FHIT: variants seen among roughly 807,000 people sequenced by gnomAD.
The protein encoded by FHIT is bis(5'-adenosyl)-triphosphatase.
A neutral mutation model predicts 17.9 loss-of-function variants in FHIT; 19 were observed. The ratio of observed to expected loss-of-function variants is 1.06; its 90% CI spans 0.74 to 1.56. FHIT has a LOEUF of 1.56. Among genes scored for constraint, FHIT ranks in the 40% most tolerant of loss-of-function variants. FHIT has a pLI of 0.00. For synonymous variants in FHIT, 81 were observed against 69.7 expected (o/e 1.16, Z -0.81); for missense variants, 248 against 189.2 (o/e 1.31, Z -1.82).
intron 5 of FHIT, among the ~76,000 whole-genome samples, chr3:60,309,182 A>C (rs1218220461): frequency 2.6e-5 from 4 of 152,074 alleles, no homozygotes; most frequent in Admixed American, 6.6e-5. Context: ...CTCTGCTTGC[A>C]GCGGAAGGTT....
intron 5 of FHIT, among the ~76,000 whole-genome samples, chr3:60,101,106 C>G (rs1704172209): frequency 6.6e-6 from 1 of 152,242 alleles, no homozygotes; most frequent in African/African-American, 2.4e-5. Context: ...CTGCTCTTAA[C>G]TGACCTGCCG....
chr3:60,706,468 A>C (rs2041375602), intron 4 of FHIT, among the ~76,000 whole-genome samples: 1 of 152,238 alleles, frequency 6.6e-6, no homozygotes, highest in South Asian at 2.1e-4. Context: ...AAATAAATTC[A>C]CAGTGGTGTT....
chr3:59,901,672 A>G (rs189351919), intron 8 of FHIT, among the ~76,000 whole-genome samples: 5 of 152,350 alleles, frequency 3.3e-5, no homozygotes, highest in Admixed American at 6.5e-5. Flanking sequence ...ATCTTCTTAC[A>G]CTATTGGTAA....
intron 3 of FHIT, among the ~76,000 whole-genome samples, chr3:60,941,668 C>T (rs59702782): frequency 0.034 from 5,239 of 152,222 alleles, 300 homozygotes; most frequent in African/African-American, 0.12. Flanking sequence ...GAATTTAATG[C>T]GTTTAGCTCA....
chr3:59,804,230 C>T (rs1700109231), intron 8 of FHIT, among the ~76,000 whole-genome samples: 2 of 152,234 alleles, frequency 1.3e-5, no homozygotes, highest in African/African-American at 4.8e-5. Context: ...CTCCTCCTCA[C>T]ACTCCTACAC....
At chr3:60,458,074 CATTACTGGGT>C (rs2032224211) in intron 5 of FHIT, among the ~76,000 whole-genome samples, 1 of 152,144 alleles carries the variant, frequency 6.6e-6, no homozygotes, top group African/African-American at 2.4e-5. Flanking sequence ...CCAGCCATCC[CATTACTGGGT>C]ATATACCCAA....
At chr3:61,209,380 G>T (rs2039374471) in intron 1 of FHIT, among the ~76,000 whole-genome samples, 1 of 152,168 alleles carries the variant, frequency 6.6e-6, no homozygotes, top group Non-Finnish European at 1.5e-5. Flanking sequence ...CTAGATTGGG[G>T]AAGTTCTCCT....
intron 8 of FHIT, among the ~76,000 whole-genome samples, chr3:59,785,125 G>T (rs531645665): frequency 6.6e-6 from 1 of 152,078 alleles, no homozygotes; most frequent in African/African-American, 2.4e-5. Context: ...TGGCATCAAG[G>T]GGATTCATGA....
At chr3:61,024,223 G>C (rs547903192) in intron 3 of FHIT, among the ~76,000 whole-genome samples, 1 of 151,972 alleles carries the variant, frequency 6.6e-6, no homozygotes, top group Non-Finnish European at 1.5e-5. Context: ...GCTAGTGAGG[G>C]GGAAAAGGAG....
At chr3:59,917,298 A>G (rs1421448612) in intron 8 of FHIT, among the ~76,000 whole-genome samples, 1 of 152,228 alleles carries the variant, frequency 6.6e-6, no homozygotes, top group Admixed American at 6.5e-5. Context: ...TTCATCAGTA[A>G]TGGGTTTTAT....
intron 8 of FHIT, among the ~76,000 whole-genome samples, chr3:59,857,360 A>G (rs1288740222): frequency 6.6e-6 from 1 of 152,016 alleles, no homozygotes; most frequent in Admixed American, 6.5e-5. Flanking sequence ...CCAGGTCAGA[A>G]TATTTTTTTT....
chr3:60,389,974 A>C (rs773276201), intron 5 of FHIT, among the ~76,000 whole-genome samples: 1 of 152,152 alleles, frequency 6.6e-6, no homozygotes, highest in Non-Finnish European at 1.5e-5. Flanking sequence ...AAAGCCTTTC[A>C]TCTGCTCCTC....
chr3:61,161,899 A>G (rs2107097929), intron 2 of FHIT, among the ~76,000 whole-genome samples: 1 of 152,280 alleles, frequency 6.6e-6, no homozygotes, highest in South Asian at 2.1e-4. Flanking sequence ...GTACAATACG[A>G]CCCTGATATG....
chr3:60,091,472 T>C (rs776988452), intron 5 of FHIT, among the ~76,000 whole-genome samples: 1 of 152,144 alleles, frequency 6.6e-6, no homozygotes, highest in Non-Finnish European at 1.5e-5. Context: ...GAGAGTGTCA[T>C]CCATGTGATC....
chr3:60,094,789 C>T (rs1371764661), intron 5 of FHIT, among the ~76,000 whole-genome samples: 1 of 137,920 alleles, frequency 7.3e-6, no homozygotes, highest in Non-Finnish European at 1.5e-5. Flanking sequence ...GGGAAGGGAA[C>T]ACAAGGGGTG....
intron 4 of FHIT, among the ~76,000 whole-genome samples, chr3:60,753,731 G>T (rs1474913252): frequency 1.3e-5 from 2 of 152,146 alleles, no homozygotes; most frequent in Non-Finnish European, 2.9e-5. Flanking sequence ...AACAAAAGAA[G>T]AAAGTAAAAT....
chr3:59,953,212 G>A (rs1262816787), intron 7 of FHIT, among the ~76,000 whole-genome samples: 4 of 151,592 alleles, frequency 2.6e-5, no homozygotes, highest in Non-Finnish European at 5.9e-5. Flanking sequence ...ATCTGTCCCT[G>A]TCTCTACGTG....
At chr3:59,820,753 G>T (rs771261081) in intron 8 of FHIT, among the ~76,000 whole-genome samples, 4 of 152,196 alleles carry the variant, frequency 2.6e-5, no homozygotes, top group African/African-American at 4.8e-5. Context: ...CACACAGAGG[G>T]TGGGGAAGGA....
intron 4 of FHIT, among the ~76,000 whole-genome samples, chr3:60,560,792 G>T (rs1028378962): frequency 7.0e-6 from 1 of 143,374 alleles, no homozygotes; most frequent in Non-Finnish European, 1.5e-5. Context: ...CATTTCTACT[G>T]ATGTAAGGAG....
Sources: allele counts gnomAD v4.1 joint callset (sites outside exome capture counted in the v4.1 genomes callset), GRCh38; gene constraint gnomAD v4.1.1; transcripts MANE v1.5; gene names NCBI Gene and HGNC (gene_info 2026-07-23, HGNC 2026-07-21).